NAV3: variants seen among roughly 807,000 people sequenced by gnomAD.
NAV3 encodes the protein neuron navigator 3.
A neutral mutation model predicts 244.7 loss-of-function variants in NAV3; 87 were observed. That is an observed-to-expected ratio of 0.36 (90% CI 0.30 to 0.42). NAV3 has a LOEUF of 0.42. NAV3 is among the 20% of genes least tolerant of loss of function. The pLI is 1.00. For missense variants in NAV3, 2,663 were observed against 2,893.3 expected, an observed-to-expected ratio of 0.92 and a Z score of 1.83; for synonymous variants, 1,126 against 1,042.2, an observed-to-expected ratio of 1.08 and a Z score of -1.55.
At position 77,669,292 on chromosome 12, in the gene NAV3, A is replaced by G. The variant is rs552483288; in HGVS notation, c.72+97026A>G. ...GGGCCTAAGTAACAACACAATGAAGAAAAAAACAACGTATTCAGGCAACAA... is the reference window on the plus strand; with the variant it reads ...GGGCCTAAGTAACAACACAATGAAGGAAAAAACAACGTATTCAGGCAACAA... On this transcript the variant is annotated intron_variant, in intron 2 of 8. Coordinates refer to the NAV3 transcript ENST00000550042. 5.1e-4 allele frequency among the ~76,000 whole-genome samples: 77 copies of G among 152,210 alleles called. 1 individual carries two copies. The highest frequency in any genetic ancestry group is 5.6e-4 in the Non-Finnish European group (38 of 67,980).
In NAV3 at chr12:77,746,648, T is replaced by C. The variant is rs116433366; in HGVS notation, c.72+174382T>C. On this transcript the variant is annotated intron_variant, in intron 2 of 8. Coordinates refer to the NAV3 transcript ENST00000550042. ...AGGATTGAGGGAATGGAAGTAATTATAACATTTGATATAGCTGAACAGTGG... is the reference window on the plus strand; with the variant it reads ...AGGATTGAGGGAATGGAAGTAATTACAACATTTGATATAGCTGAACAGTGG... 9.7e-3 allele frequency among the ~76,000 whole-genome samples: 1,483 copies of C among 152,224 alleles called. 25 individuals are homozygous for C. Among genetic ancestry groups the C allele is most frequent in the African/African-American group, 0.035 (1,435 of 41,560 alleles).
At chr12:77,890,151 C>T (rs1677907) in intron 1 of NAV3, among the ~76,000 whole-genome samples, 150,796 of 152,358 alleles carry the variant, frequency 0.99, 74,646 homozygotes, top group Middle Eastern at 1. Context: ...AATCAAGTCT[C>T]AGTTCTCAGT....
chr12:77,635,972 T>G (rs1251503020), intron 2 of NAV3, among the ~76,000 whole-genome samples: 1 of 152,196 alleles, frequency 6.6e-6, no homozygotes. Flanking sequence ...AATTAATTTT[T>G]CTTTAAAAAC....
intron 2 of NAV3, among the ~76,000 whole-genome samples, chr12:77,612,905 A>C (rs960511760): frequency 2.0e-5 from 3 of 152,048 alleles, no homozygotes; most frequent in Non-Finnish European, 4.4e-5. Flanking sequence ...GTGTGTTCTC[A>C]TGAGATCTGA....
chr12:77,762,689 CCTT>C (rs561101317), intron 2 of NAV3, among the ~76,000 whole-genome samples: 91 of 152,054 alleles, frequency 6.0e-4, no homozygotes, highest in African/African-American at 2.1e-3. Flanking sequence ...CCATTGAACT[CCTT>C]CTCAAATTTC....
At chr12:77,652,306 A>G (rs960800586) in intron 2 of NAV3, among the ~76,000 whole-genome samples, 10 of 152,202 alleles carry the variant, frequency 6.6e-5, no homozygotes, top group African/African-American at 2.2e-4. Context: ...CACTTTCATT[A>G]TAGATTCATT....
chr12:78,087,089 A>T (rs1355052411), intron 12 of NAV3, among the ~76,000 whole-genome samples: 3 of 152,008 alleles, frequency 2.0e-5, no homozygotes, highest in Non-Finnish European at 4.4e-5. Context: ...GGCATTTGTT[A>T]GGCTGCAGAG....
At chr12:77,896,240 A>T (rs945891322) in intron 1 of NAV3, among the ~76,000 whole-genome samples, 8 of 152,190 alleles carry the variant, frequency 5.3e-5, no homozygotes, top group Admixed American at 5.2e-4. Flanking sequence ...ATAGTAAGAT[A>T]GCTCATGGGT....
chr12:77,762,729 G>A (rs1000974077), intron 2 of NAV3, among the ~76,000 whole-genome samples: 1 of 147,780 alleles, frequency 6.8e-6, no homozygotes, highest in African/African-American at 2.6e-5. Flanking sequence ...GTTTTTTGTT[G>A]TTGTTGTTGT....
At chr12:77,769,734 G>A (rs565070905) in intron 2 of NAV3, among the ~76,000 whole-genome samples, 10 of 152,196 alleles carry the variant, frequency 6.6e-5, no homozygotes, top group South Asian at 4.2e-4. Flanking sequence ...ATGGAAAGTC[G>A]GATTTGTCAA....
At chr12:78,206,179 C>A (rs1318152366) in intron 39 of NAV3, among the ~76,000 whole-genome samples, 3 of 151,594 alleles carry the variant, frequency 2.0e-5, no homozygotes, top group Non-Finnish European at 4.4e-5. Flanking sequence ...TATATATAGA[C>A]CTACTTAGAT....
intron 2 of NAV3, among the ~76,000 whole-genome samples, chr12:77,825,779 A>T (rs991801501): frequency 2.6e-5 from 4 of 152,106 alleles, no homozygotes; most frequent in African/African-American, 9.7e-5. Flanking sequence ...AATCTATTCA[A>T]ATATATATCT....
At chr12:77,815,664 T>C (rs1457908959) in intron 2 of NAV3, among the ~76,000 whole-genome samples, 2 of 152,158 alleles carry the variant, frequency 1.3e-5, no homozygotes, top group Non-Finnish European at 1.5e-5. Context: ...ACCATCACAG[T>C]TGTAATATAA....
chr12:78,173,498 T>C (rs145963447), intron 24 of NAV3, among the ~76,000 whole-genome samples: 7 of 151,804 alleles, frequency 4.6e-5, no homozygotes, highest in African/African-American at 1.4e-4. Flanking sequence ...AAAAAGCTAA[T>C]GGCCAATCAC....
chr12:77,913,247 C>T (rs1886793385), intron 1 of NAV3, among the ~76,000 whole-genome samples: 1 of 151,960 alleles, frequency 6.6e-6, no homozygotes, highest in African/African-American at 2.4e-5. Context: ...GGAATAATGC[C>T]TAGTACATGG....
rs1445394143 is a variant in NAV3 at position 78,021,850 on chromosome 12, G to A, written c.2011G>A (p.Glu671Lys). ...TAGTAAGACTGCTAAGCAGTGCCTG[G>A]AGGAGATATCTGGTAAGTGACCTCA... The part of the protein sequence containing the change: ...SYSKTAKQCL[E>K]EISGEDPETR... The change falls in exon 9 of 40, where the codon GAG (glutamate) becomes AAG (lysine). Residue 671 changes from glutamate to lysine, a missense_variant. Transcript: ENST00000397909. 1 of 1,605,324 alleles carries A rather than the reference G, an allele frequency of 6.2e-7. No homozygotes were observed. The highest frequency in any genetic ancestry group is 8.5e-7 in the Non-Finnish European group (1 of 1,174,740).
At chr12:77,703,813 G>A (rs186571232) in intron 2 of NAV3, among the ~76,000 whole-genome samples, 9 of 152,280 alleles carry the variant, frequency 5.9e-5, no homozygotes, top group Admixed American at 5.2e-4. Flanking sequence ...GTAGAAGAAT[G>A]ACTGTGGAGC....
At chr12:78,164,174 A>G (rs183719850) in intron 23 of NAV3, among the ~76,000 whole-genome samples, 63 of 152,262 alleles carry the variant, frequency 4.1e-4, no homozygotes, top group African/African-American at 1.4e-3. Flanking sequence ...TTAAAATTTA[A>G]AAGACTTTCA....
At chr12:78,139,105 T>TA (rs397960571) in intron 19 of NAV3, among the ~76,000 whole-genome samples, 1 of 152,036 alleles carries the variant, frequency 6.6e-6, no homozygotes, top group African/African-American at 2.4e-5. Flanking sequence ...AATTTTTTTT[T>TA]AAATAATTGA....
Sources: gnomAD v4.1 joint callset for allele counts (sites outside exome capture counted in the v4.1 genomes callset) on GRCh38, gnomAD v4.1.1 for gene constraint, MANE v1.5 for transcripts, NCBI Gene and HGNC (gene_info 2026-07-23, HGNC 2026-07-21) for gene names.